Variants in OTUD7B observed in about 807,000 individuals in gnomAD.
The protein encoded by OTUD7B is OTU deubiquitinase 7B, also known as OTU domain-containing protein 7B.
A neutral mutation model predicts 82.2 loss-of-function variants in OTUD7B; 34 were observed. The observed-to-expected ratio is 0.41, with a 90% CI of 0.31 to 0.55. OTUD7B has a LOEUF of 0.55. Ranked by LOEUF, OTUD7B falls within the 20% of genes least tolerant of loss-of-function variation. OTUD7B has a pLI of 0.20. For missense variants in OTUD7B, 944 were observed against 1,062.1 expected (o/e 0.89, Z 1.55); for synonymous variants, 398 against 402.7 (o/e 0.99, Z 0.14).
At position 149,944,695 on chromosome 1, in the gene OTUD7B, T is replaced by G. The variant is rs1553771580; in HGVS notation, c.1694A>C (p.Glu565Ala). 3.1e-6 allele frequency: 5 copies of G among 1,613,748 alleles called. No individual in the cohort carries two copies. Among genetic ancestry groups the G allele is most frequent in the Admixed American group, 1.7e-5 (1 of 59,998 alleles). The change falls in exon 12 of 12, where the codon GAG becomes GCG. Residue 565 changes from glutamate to alanine, a missense_variant. This residue lies in a region of OTUD7B where 412 missense variants were observed against 418.7 expected (regional missense o/e 0.98). Transcript: ENST00000581312. ...SLKSWKGGKE[E>A]AAGDGPVSEK... Reference sequence around the variant, plus strand: ...AGACACAGGCCCATCCCCAGCTGCCTCCTCCTTGCCACCCTTCCAGCTCTT... The same window carrying G: ...AGACACAGGCCCATCCCCAGCTGCCGCCTCCTTGCCACCCTTCCAGCTCTT...
At chr1:149,945,214 A>G in intron 11 of OTUD7B, 149 bp from the exon 12 acceptor site, 3 of 1,061,660 alleles carry the variant, frequency 2.8e-6, no homozygotes, top group Non-Finnish European at 4.0e-6. Flanking sequence ...ATGGACACCT[A>G]TGAACTCCGT....
intron 1 of OTUD7B, among the ~76,000 whole-genome samples, chr1:149,985,386 G>A (rs59993936): frequency 0.021 from 3,240 of 152,016 alleles, 99 homozygotes; most frequent in African/African-American, 0.071. Flanking sequence ...CAGCTTGGGC[G>A]ACAGAGCGAG....
At chr1:150,062,708 C>CTTTTTTTTTTTTTTTTTTT in the OTUD7B span, among the ~76,000 whole-genome samples, 4 of 96,056 alleles carry the variant, frequency 4.2e-5, no homozygotes, top group Non-Finnish European at 5.8e-5. Flanking sequence ...CTTCTTCTTT[C>CTTTTTTTTTTTTTTTTTTT]TTTTTTTTTT....
At chr1:150,047,140 G>A in the OTUD7B span, among the ~76,000 whole-genome samples, 14 of 152,110 alleles carry the variant, frequency 9.2e-5, no homozygotes, top group African/African-American at 9.6e-5. Context: ...TCCATCTTCC[G>A]CTGTCAATCA....
intron 11 of OTUD7B, 92 bp downstream of exon 11, chr1:149,947,159 T>C (rs782057042): frequency 2.4e-5 from 17 of 722,260 alleles, no homozygotes; most frequent in South Asian, 1.7e-4. Context: ...CCACTCAGAA[T>C]AGATTCAGAA....
At chr1:150,004,619 T>C (rs1401196410) in intron 1 of OTUD7B, among the ~76,000 whole-genome samples, 3 of 150,964 alleles carry the variant, frequency 2.0e-5, no homozygotes, top group African/African-American at 7.3e-5. Flanking sequence ...TTTATATATA[T>C]ATATAAACTT....
chr1:149,948,457 T>G (rs192368755), intron 10 of OTUD7B, among the ~76,000 whole-genome samples: 1 of 145,408 alleles, frequency 6.9e-6, no homozygotes, highest in Non-Finnish European at 1.5e-5. Flanking sequence ...CTGCAACCCC[T>G]GCCTCCTGGG....
intron 1 of OTUD7B, among the ~76,000 whole-genome samples, chr1:150,001,923 G>A (rs996816053): frequency 6.6e-6 from 1 of 152,136 alleles, no homozygotes; most frequent in Non-Finnish European, 1.5e-5. Context: ...GGACTTAGAG[G>A]ATGCCCTCTA....
intron 1 of OTUD7B, among the ~76,000 whole-genome samples, chr1:150,004,492 G>A (rs782242106): frequency 8.6e-5 from 13 of 151,812 alleles, no homozygotes; most frequent in Non-Finnish European, 1.0e-4. Flanking sequence ...CCCAGGAGGC[G>A]GAGGTTGCAG....
At chr1:150,006,705 T>C (rs1652696659) in intron 1 of OTUD7B, among the ~76,000 whole-genome samples, 1 of 152,220 alleles carries the variant, frequency 6.6e-6, no homozygotes, top group African/African-American at 2.4e-5. Context: ...CTGTCCTTAC[T>C]ATAAGCTCTT....
intron 10 of OTUD7B, among the ~76,000 whole-genome samples, chr1:149,948,682 T>G (rs1647953591): frequency 6.6e-6 from 1 of 152,208 alleles, no homozygotes; most frequent in Non-Finnish European, 1.5e-5. Context: ...ATTATCCTGA[T>G]TTTCTGATCA....
chr1:149,951,173 T>C (rs1269508085), intron 7 of OTUD7B, among the ~76,000 whole-genome samples: 1 of 151,860 alleles, frequency 6.6e-6, no homozygotes, highest in Non-Finnish European at 1.5e-5. Context: ...TTAGTAGAGA[T>C]GGGGTTTCAC....
At chr1:149,994,755 C>T (rs1349666053) in intron 1 of OTUD7B, among the ~76,000 whole-genome samples, 2 of 151,994 alleles carry the variant, frequency 1.3e-5, no homozygotes, top group Non-Finnish European at 2.9e-5. Context: ...GGACTACCGG[C>T]GAATGCCACC....
chr1:149,941,792 T>A lies in OTUD7B; in HGVS notation c.*2065A>T, dbSNP rs1647277591. The A allele has an allele frequency of 6.6e-6, 1 of 152,220 alleles. No individual in the cohort carries two copies. The highest frequency in any genetic ancestry group is 2.4e-5 in the African/African-American group (1 of 41,462). The allele number at this position is 152,220 out of a possible 1,614,324, so 9.4% of individuals were successfully genotyped here. A position where few individuals can be genotyped will look rare whatever the true frequency, so the allele number is the denominator to read the frequency against. On this transcript the variant is annotated 3_prime_UTR_variant, in exon 12 of 12. Coordinates refer to ENST00000581312, the MANE Select transcript of OTUD7B (RefSeq NM_020205.4). ...TAATTTTTTTAAATACTGCATTTTTTATAGTATCTTGATTAATGAGTTTTA... is the reference window on the plus strand; with the variant it reads ...TAATTTTTTTAAATACTGCATTTTTAATAGTATCTTGATTAATGAGTTTTA...
the OTUD7B span, among the ~76,000 whole-genome samples, chr1:150,060,964 A>G: frequency 6.6e-6 from 1 of 151,912 alleles, no homozygotes; most frequent in East Asian, 1.9e-4. Context: ...GCTGTCCCCC[A>G]GGCTGGACTG....
In OTUD7B at chr1:149,971,107, C is replaced by T. The variant is rs782158140; in HGVS notation, c.230G>A (p.Arg77His). ...EKGFSDREPT[R>H]PPRPILQRQD... Reference sequence around the variant, plus strand: ...CCGCTGGAGGATGGGTCGGGGAGGGCGAGTAGGCTCTCTGTCAGAAAACCC... The same window carrying T: ...CCGCTGGAGGATGGGTCGGGGAGGGTGAGTAGGCTCTCTGTCAGAAAACCC... Residue 77 changes from arginine (R) to histidine (H), a missense_variant, in exon 3 of 12, where the codon CGC becomes CAC. By Grantham distance (29) the Arg-to-His change is conservative (BLOSUM62 0). This residue lies in a region of OTUD7B where 530 missense variants were observed against 625.6 expected (regional missense o/e 0.85). Coordinates refer to ENST00000581312, the MANE Select transcript of OTUD7B (RefSeq NM_020205.4). 62 of 1,612,690 alleles carry T rather than the reference C, an allele frequency of 3.8e-5. No homozygotes were observed. In the Admixed American group the frequency reaches 7.8e-4, roughly 20 times the overall value.
At chr1:150,014,034 A>ATATATATGTG (rs1653191283), upstream of OTUD7B, among the ~76,000 whole-genome samples, 3 of 128,922 alleles carry the variant, frequency 2.3e-5, no homozygotes, top group South Asian at 2.6e-4. Context: ...ACGTATATAT[A>ATATATATGTG]CGTATATATG....
chr1:150,059,410 C>A, the OTUD7B span, among the ~76,000 whole-genome samples: 2 of 141,516 alleles, frequency 1.4e-5, no homozygotes, highest in East Asian at 4.3e-4. Context: ...ACTCTTGTTG[C>A]CCAGGCTGGA....
the OTUD7B span, among the ~76,000 whole-genome samples, chr1:150,066,466 G>T: frequency 3.9e-5 from 6 of 152,078 alleles, no homozygotes; most frequent in African/African-American, 1.4e-4. The surrounding 1 kb of genome is among the most constrained non-coding windows in gnomAD (Gnocchi z 4.6). Flanking sequence ...TTTCAGAGGT[G>T]ACAAAAATCT....
Sources: allele counts gnomAD v4.1 joint callset (sites outside exome capture counted in the v4.1 genomes callset), GRCh38; gene constraint gnomAD v4.1.1; regional missense constraint gnomAD v4.1.1; non-coding constraint Gnocchi (gnomAD v3.1); transcripts MANE v1.5; gene names NCBI Gene and HGNC (gene_info 2026-07-23, HGNC 2026-07-21).